The following AFF1 variants were observed in gnomAD, a reference collection of about 807,000 sequenced individuals.
AFF1 encodes ALF transcription elongation factor 1.
AFF1 carries 48 observed loss-of-function variants against 121.7 expected under a neutral mutation model. The ratio of observed to expected loss-of-function variants is 0.39; its 90% CI spans 0.31 to 0.50. The LOEUF (loss-of-function observed/expected upper bound fraction) is 0.50, where lower values mean the gene tolerates loss of function less well. AFF1 is among the 20% of genes least tolerant of loss of function. The pLI is 0.76. For synonymous variants in AFF1, 613 were observed against 563.0 expected (o/e 1.09, Z -1.26); for missense variants, 1,523 against 1,511.7 (o/e 1.01, Z -0.12).
intron 2 of AFF1, among the ~76,000 whole-genome samples, chr4:86,951,623 CTTTTTTT>C (rs1285365564): frequency 1.4e-5 from 1 of 69,418 alleles, no homozygotes; most frequent in African/African-American, 4.6e-5. Context: ...TTCTTTTTTT[CTTTTTTT>C]TTTTTTTTTT....
In AFF1 at chr4:87,052,351, T is replaced by G. The variant is rs527409727; in HGVS notation, c.1059+4757T>G. ...TCACTTGAGCCTGAGAGGCTGAGGTTGTAGGGAGTTGAGATACTGCCACTG... is the reference window on the plus strand; with the variant it reads ...TCACTTGAGCCTGAGAGGCTGAGGTGGTAGGGAGTTGAGATACTGCCACTG... On this transcript the variant is annotated intron_variant, in intron 4 of 20. Transcript: ENST00000395146. 6.6e-5 allele frequency among the ~76,000 whole-genome samples: 10 copies of G among 152,168 alleles called. No homozygotes were observed. The East Asian group carries it at 1.4e-3, about 21-fold the overall frequency.
Position 87,047,350 on chromosome 4 carries a change from C to A in AFF1, c.815C>A (p.Ala272Asp), listed in dbSNP as rs373023663. The change falls in exon 4 of 21, where the codon GCC (alanine) becomes GAC (aspartate). Residue 272 changes from alanine to aspartate, a missense_variant. Coordinates refer to ENST00000395146, the MANE Select transcript of AFF1 (RefSeq NM_001166693.3). ...GAGACCCCTCAAGACAGTTTGGTGG[C>A]CCCTGCCCAGCCGCCTTCTCAGACA... is the stretch of plus-strand genomic sequence containing the variant. ...DKETPQDSLVAPAQPPSQTFP... is the reference protein window; with the variant it reads ...DKETPQDSLVDPAQPPSQTFP... 55 of 1,614,044 alleles carry A rather than the reference C, an allele frequency of 3.4e-5. No individual in the cohort carries two copies. The highest frequency in any genetic ancestry group is 4.4e-5 in the Non-Finnish European group (52 of 1,180,032).
intron 2 of AFF1, among the ~76,000 whole-genome samples, chr4:86,985,232 C>T (rs888953383): frequency 1.1e-4 from 12 of 112,812 alleles, no homozygotes; most frequent in African/African-American, 2.8e-4. Context: ...TATTTTAGGC[C>T]GGGCAGAGGG....
At position 87,138,329 on chromosome 4, in the gene AFF1, T is replaced by A. The variant is rs1434607741; in HGVS notation, c.*2628T>A. 8.6e-6 allele frequency: 2 copies of A among 232,230 alleles called. No homozygotes were observed. Among genetic ancestry groups the A allele is most frequent in the Admixed American group, 1.1e-4 (2 of 17,748 alleles). 14.4% of individuals were successfully genotyped at this position (232,230 alleles called of 1,614,324 possible). ...ATGCTTACAATTCCCAAAGGCAAAA[T>A]CTGTACTGAGGTAGATCATTTGAAA... On this transcript the variant is annotated 3_prime_UTR_variant, in exon 21 of 21. Coordinates refer to ENST00000395146, the MANE Select transcript of AFF1 (RefSeq NM_001166693.3).
intron 12 of AFF1, among the ~76,000 whole-genome samples, chr4:87,117,848 T>TC (rs3836599): frequency 0.51 from 78,186 of 151,998 alleles, 21,804 homozygotes; most frequent in Middle Eastern, 0.68. Context: ...GGACAGGTTG[T>TC]CCCCCCTTCC....
At position 87,040,147 on chromosome 4, in the gene AFF1, G is replaced by T. The variant is rs938260256; in HGVS notation, c.39-6019G>T. On this transcript the variant is annotated intron_variant, in intron 2 of 20. Transcript: ENST00000395146. The stretch of plus-strand genomic sequence containing the variant: ...CGACCTCAGGTGATCCTCCCACCTC[G>T]GCCTCCCAAAGTGCTGGGATTACAG... Among the ~76,000 whole-genome samples, 8 of 152,062 alleles carry T rather than the reference G, an allele frequency of 5.3e-5. 1 individual carries two copies. The highest frequency in any genetic ancestry group is 1.4e-4 in the African/African-American group (6 of 41,394).
At chr4:86,955,803 G>C (rs1057225430) in intron 2 of AFF1, among the ~76,000 whole-genome samples, 8 of 152,148 alleles carry the variant, frequency 5.3e-5, no homozygotes, top group Admixed American at 5.2e-4. Context: ...TTTTTGGGAA[G>C]ATTTGAGGGA....
chr4:87,043,488 A>C (rs138992949), intron 2 of AFF1, among the ~76,000 whole-genome samples: 1 of 152,240 alleles, frequency 6.6e-6, no homozygotes, highest in Non-Finnish European at 1.5e-5. Context: ...CTTGGCTTCT[A>C]TGGTTATATG....
At chr4:87,020,729 C>A (rs946790269) in intron 2 of AFF1, 1 of 896,546 alleles carries the variant, frequency 1.1e-6, no homozygotes, top group Admixed American at 6.2e-5. Flanking sequence ...CATGATCCGC[C>A]TGCCTCAGCC....
chr4:87,043,462 C>T (rs188899038), intron 2 of AFF1, among the ~76,000 whole-genome samples: 1 of 152,282 alleles, frequency 6.6e-6, no homozygotes, highest in East Asian at 1.9e-4. Flanking sequence ...AAGTGATTTC[C>T]TAATCAGCCT....
At chr4:87,007,295 G>A in intron 2 of AFF1, 4 of 1,572,112 alleles carry the variant, frequency 2.5e-6, no homozygotes, top group Non-Finnish European at 2.6e-6. Flanking sequence ...GGGGCGCCGC[G>A]CCGGGACGCG....
At chr4:87,012,218 T>A (rs1459099675) in intron 2 of AFF1, among the ~76,000 whole-genome samples, 1 of 36,232 alleles carries the variant, frequency 2.8e-5, no homozygotes, top group East Asian at 6.6e-4. Context: ...ATTTCATTTC[T>A]TGTTTTTTTT....
chr4:86,996,579 A>T (rs944718232), intron 2 of AFF1, among the ~76,000 whole-genome samples: 3 of 151,372 alleles, frequency 2.0e-5, no homozygotes, highest in Non-Finnish European at 4.4e-5. Context: ...CCAGGGACAC[A>T]AACACTGCGG....
intron 8 of AFF1, among the ~76,000 whole-genome samples, chr4:87,096,250 T>TTA (rs1484886417): frequency 6.6e-6 from 1 of 151,848 alleles, no homozygotes; most frequent in Non-Finnish European, 1.5e-5. Context: ...TTTTTGTTGT[T>TTA]TTTAATGCCT....
rs962094279 is a variant in AFF1 at position 86,954,514 on chromosome 4, G to A, written c.38+5943G>A. ...AGGTGGGCAGACTGCTTGAGTCCAG[G>A]AATTCATTCGAGACCAGCCTGGGCA... is the stretch of plus-strand genomic sequence containing the variant. On this transcript the variant is annotated intron_variant, in intron 2 of 20. Coordinates refer to ENST00000395146, the MANE Select transcript of AFF1 (RefSeq NM_001166693.3). Among the ~76,000 whole-genome samples the A allele has an allele frequency of 2.6e-5, 4 of 152,106 alleles. No individual in the cohort carries two copies. The East Asian group carries it at 7.7e-4, about 29-fold the overall frequency.
At chr4:86,972,560 CAG>C (rs1397297738) in intron 2 of AFF1, among the ~76,000 whole-genome samples, 1 of 152,148 alleles carries the variant, frequency 6.6e-6, no homozygotes, top group Non-Finnish European at 1.5e-5. Context: ...TATCTTGAGA[CAG>C]AGCCTCACTG....
At chr4:87,007,514 C>T in intron 2 of AFF1, 1 of 1,549,566 alleles carries the variant, frequency 6.5e-7, no homozygotes, top group East Asian at 2.2e-5. Flanking sequence ...GGGAAGGAGA[C>T]GGACAGGAAG....
At chr4:87,119,868 G>A (rs559743592) in intron 12 of AFF1, among the ~76,000 whole-genome samples, 3 of 152,236 alleles carry the variant, frequency 2.0e-5, no homozygotes, top group African/African-American at 4.8e-5. Flanking sequence ...AGGAAGGGAA[G>A]TTATGATGTG....
intron 1 of AFF1, among the ~76,000 whole-genome samples, chr4:86,937,685 G>A (rs999002309): frequency 6.6e-6 from 1 of 151,276 alleles, no homozygotes; most frequent in African/African-American, 2.4e-5. Context: ...GGGCTCATGG[G>A]ATCCTCCCTC....
Sources: allele counts gnomAD v4.1 joint callset (sites outside exome capture counted in the v4.1 genomes callset), GRCh38; gene constraint gnomAD v4.1.1; transcripts MANE v1.5; gene names NCBI Gene and HGNC (gene_info 2026-07-23, HGNC 2026-07-21).